CADM2: variants seen among roughly 807,000 people sequenced by gnomAD.
CADM2 encodes the protein cell adhesion molecule 2, also known as immunoglobulin superfamily member 4D.
In CADM2, 12 loss-of-function variants were observed where a neutral mutation model predicts 49.8. The ratio of observed to expected loss-of-function variants is 0.24; its 90% CI spans 0.15 to 0.39. The LOEUF (loss-of-function observed/expected upper bound fraction) is 0.39, where lower values mean the gene tolerates loss of function less well. Ranked by LOEUF, CADM2 falls within the 10% of genes least tolerant of loss-of-function variation. The pLI, the probability that CADM2 is intolerant of heterozygous loss-of-function variation, is 1.00. For missense variants in CADM2, 378 were observed against 492.3 expected (o/e 0.77, Z 2.20); for synonymous variants, 214 against 175.4 (o/e 1.22, Z -1.74).
At chr3:85,098,112 A>G (rs1330682499) in intron 1 of CADM2, among the ~76,000 whole-genome samples, 1 of 152,166 alleles carries the variant, frequency 6.6e-6, no homozygotes, top group East Asian at 1.9e-4. Flanking sequence ...TGTGATTGGC[A>G]TTAGTCTTTG....
chr3:85,342,368 T>G, intron 1 of CADM2, among the ~76,000 whole-genome samples: 1 of 152,188 alleles, frequency 6.6e-6, no homozygotes, highest in Non-Finnish European at 1.5e-5. Flanking sequence ...GTAGGAAAAT[T>G]ACTTCTAAAA....
At chr3:85,093,320 G>A (rs567976032) in intron 1 of CADM2, among the ~76,000 whole-genome samples, 4 of 151,964 alleles carry the variant, frequency 2.6e-5, no homozygotes, top group African/African-American at 9.7e-5. Context: ...AGACCATCCT[G>A]GCCAACATGG....
chr3:85,604,496 G>A (rs998549556), intron 1 of CADM2, among the ~76,000 whole-genome samples: 1 of 151,956 alleles, frequency 6.6e-6, no homozygotes, highest in Non-Finnish European at 1.5e-5. Context: ...GTTTGTGTGT[G>A]TGTTTCTAAA....
At chr3:85,316,157 C>A (rs2107077029) in intron 1 of CADM2, among the ~76,000 whole-genome samples, 1 of 152,294 alleles carries the variant, frequency 6.6e-6, no homozygotes, top group Non-Finnish European at 1.5e-5. Flanking sequence ...TTATTAATCT[C>A]TCTGGAAGTC....
chr3:85,275,589 C>T (rs2043338043), intron 1 of CADM2, among the ~76,000 whole-genome samples: 1 of 151,132 alleles, frequency 6.6e-6, no homozygotes, highest in Non-Finnish European at 1.5e-5. Flanking sequence ...CTTTGAACTT[C>T]TTGATTAAGC....
chr3:85,657,009 C>T (rs141215805), intron 1 of CADM2, among the ~76,000 whole-genome samples: 16 of 152,238 alleles, frequency 1.1e-4, no homozygotes, highest in African/African-American at 2.4e-4. Flanking sequence ...ACTATCAAGC[C>T]GTTTATCATG....
intron 1 of CADM2, among the ~76,000 whole-genome samples, chr3:85,232,673 C>T (rs927799049): frequency 6.6e-6 from 1 of 152,030 alleles, no homozygotes; most frequent in African/African-American, 2.4e-5. Context: ...TGAAAAAAAA[C>T]ACCCTATATT....
chr3:85,380,278 T>C (rs1472444693), intron 1 of CADM2, among the ~76,000 whole-genome samples: 1 of 151,998 alleles, frequency 6.6e-6, no homozygotes, highest in Admixed American at 6.6e-5. Context: ...GTAATGTTAA[T>C]ATGGCATACT....
chr3:85,571,281 A>G (rs796366016), intron 1 of CADM2, among the ~76,000 whole-genome samples: 29 of 152,322 alleles, frequency 1.9e-4, no homozygotes, highest in African/African-American at 7.0e-4. Context: ...AATTTATGTC[A>G]GATATTCTCA....
intron 3 of CADM2, among the ~76,000 whole-genome samples, chr3:85,841,801 T>C (rs2074650579): frequency 6.6e-6 from 1 of 152,066 alleles, no homozygotes; most frequent in Non-Finnish European, 1.5e-5. Context: ...ATATTTAATA[T>C]TAAACAGAGA....
chr3:84,983,314 AT>A (rs2032326727), intron 1 of CADM2, among the ~76,000 whole-genome samples: 1 of 151,048 alleles, frequency 6.6e-6, no homozygotes, highest in East Asian at 1.9e-4. Flanking sequence ...ATAAATCCCA[AT>A]AAAATCAGTT....
intron 4 of CADM2, 26 bp downstream of exon 4, chr3:85,883,469 TA>T: frequency 6.3e-7 from 1 of 1,575,202 alleles, no homozygotes; most frequent in Non-Finnish European, 8.6e-7. Context: ...TAACACCATG[TA>T]ATCACAAAAC....
chr3:85,149,124 T>G (rs1167992362), intron 1 of CADM2, among the ~76,000 whole-genome samples: 1 of 152,018 alleles, frequency 6.6e-6, no homozygotes, highest in East Asian at 1.9e-4. Context: ...AAATCAATAA[T>G]TAGAAAAATA....
chr3:85,158,033 C>A (rs568063571), intron 1 of CADM2, among the ~76,000 whole-genome samples: 1 of 152,150 alleles, frequency 6.6e-6, no homozygotes, highest in South Asian at 2.1e-4. Context: ...CGGCGAAGGA[C>A]ATGAACAGAC....
At chr3:84,985,854 T>G (rs1428538179) in intron 1 of CADM2, among the ~76,000 whole-genome samples, 1 of 152,188 alleles carries the variant, frequency 6.6e-6, no homozygotes, top group African/African-American at 2.4e-5. Context: ...AAGATTCTAA[T>G]CTAACCAAAG....
chr3:85,344,489 G>A (rs574708899), intron 1 of CADM2, among the ~76,000 whole-genome samples: 1 of 152,012 alleles, frequency 6.6e-6, no homozygotes, highest in African/African-American at 2.4e-5. Context: ...GTAAAGACCA[G>A]GGGGGTGTTT....
chr3:85,625,337 A>T (rs1243646620), intron 1 of CADM2, among the ~76,000 whole-genome samples: 1 of 152,140 alleles, frequency 6.6e-6, no homozygotes, highest in African/African-American at 2.4e-5. Flanking sequence ...TCTACTACGT[A>T]TGTTTTTAAA....
intron 1 of CADM2, among the ~76,000 whole-genome samples, chr3:85,306,972 A>C (rs2044227297): frequency 6.6e-6 from 1 of 151,512 alleles, no homozygotes; most frequent in Non-Finnish European, 1.5e-5. Flanking sequence ...TCCCAGATTT[A>C]ACTGTTACTC....
chr3:85,363,029 A>G (rs142502198), intron 1 of CADM2, among the ~76,000 whole-genome samples: 39 of 152,222 alleles, frequency 2.6e-4, no homozygotes, highest in African/African-American at 8.7e-4. Flanking sequence ...TGTATATGAG[A>G]TTTACAACAG....
Sources: allele counts gnomAD v4.1 joint callset (sites outside exome capture counted in the v4.1 genomes callset), GRCh38; gene constraint gnomAD v4.1.1; transcripts MANE v1.5; gene names NCBI Gene and HGNC (gene_info 2026-07-23, HGNC 2026-07-21).